Variants in ZNF469 observed in about 807,000 individuals in gnomAD.
The protein encoded by ZNF469 is zinc finger protein 469.
Under a neutral mutation model 1.0 loss-of-function variants are expected in ZNF469, and 1 was observed. The observed-to-expected ratio is 1.00, with a 90% CI of 0.35 to 4.73. The LOEUF (loss-of-function observed/expected upper bound fraction) is 4.73. Among genes scored for constraint, ZNF469 ranks in the 30% most tolerant of loss-of-function variants. The probability of loss-of-function intolerance (pLI) is 0.16; values close to 1 mark genes in which losing one functional copy is unlikely to be tolerated. For synonymous variants in ZNF469, 2,703 were observed against 2,363.4 expected, an observed-to-expected ratio of 1.14 and a Z score of -4.17; for missense variants, 6,100 against 5,356.3, an observed-to-expected ratio of 1.14 and a Z score of -4.33.
chr16:88,414,591 A>T (rs1905257579), intron 1 of ZNF469, among the ~76,000 whole-genome samples: 2 of 152,222 alleles, frequency 1.3e-5, no homozygotes, highest in Non-Finnish European at 2.9e-5. Context: ...GCCCCACGGC[A>T]GGAGGGTCCG....
chr16:88,186,566 C>CCGCAGGGA, the ZNF469 span, among the ~76,000 whole-genome samples: 1 of 152,188 alleles, frequency 6.6e-6, no homozygotes. Context: ...CAGAGGGGAC[C>CCGCAGGGA]CGCAGGGACG....
At chr16:88,228,806 C>A in the ZNF469 span, among the ~76,000 whole-genome samples, 4 of 152,148 alleles carry the variant, frequency 2.6e-5, no homozygotes, top group African/African-American at 9.7e-5. Context: ...GGAGGCCTGC[C>A]TGTGTCAGAT....
the ZNF469 span, among the ~76,000 whole-genome samples, chr16:88,282,872 C>T: frequency 6.6e-6 from 1 of 152,146 alleles, no homozygotes; most frequent in Non-Finnish European, 1.5e-5. Flanking sequence ...GATTAAGGTC[C>T]ACACAGGGAG....
chr16:88,321,004 G>A, the ZNF469 span, among the ~76,000 whole-genome samples: 77 of 152,388 alleles, frequency 5.1e-4, no homozygotes, highest in African/African-American at 1.8e-3. Flanking sequence ...CACCGTGGCT[G>A]CCATCCGAGG....
chr16:88,433,726 A>T lies in ZNF469; in HGVS notation c.6256A>T (p.Arg2086Trp). Residue 2086 changes from arginine to tryptophan, a missense_variant, in exon 3 of 3, where the codon AGG becomes TGG. By Grantham distance (101) the Arg-to-Trp change is moderately radical (BLOSUM62 -3). Coordinates refer to ENST00000565624, the MANE Select transcript of ZNF469 (RefSeq NM_001367624.2). Reference sequence around the variant, plus strand: ...TGGATCTGAGGGCCGGACTCCAGAGAGGGCGTCCAGCCCCGGCCTGAACAA... The same window carrying T: ...TGGATCTGAGGGCCGGACTCCAGAGTGGGCGTCCAGCCCCGGCCTGAACAA... ...RSGSEGRTPE[R>W]ASSPGLNKPL... is the part of the protein sequence containing the mutation. The T allele has an allele frequency of 6.5e-7, 1 of 1,548,798 alleles. No homozygotes were observed. Among genetic ancestry groups the T allele is most frequent in the Non-Finnish European group, 8.7e-7 (1 of 1,146,730 alleles).
At chr16:88,296,702 ACCCATGCTCTCACACATTCG>A in the ZNF469 span, among the ~76,000 whole-genome samples, 1 of 151,792 alleles carries the variant, frequency 6.6e-6, no homozygotes, top group African/African-American at 2.4e-5. Context: ...ACATGTGCAG[ACCCATGCTCTCACACATTCG>A]CCCATGCTCC....
At chr16:88,316,963 C>G in the ZNF469 span, among the ~76,000 whole-genome samples, 7 of 152,222 alleles carry the variant, frequency 4.6e-5, no homozygotes, top group Non-Finnish European at 8.8e-5. Flanking sequence ...CTCTCCAGCT[C>G]TAAACCCAGA....
chr16:88,232,337 C>A, the ZNF469 span, among the ~76,000 whole-genome samples: 2 of 152,288 alleles, frequency 1.3e-5, no homozygotes, highest in South Asian at 4.1e-4. Context: ...CCACCCAATA[C>A]GGCTGGTCAA....
At chr16:88,337,423 G>A in the ZNF469 span, among the ~76,000 whole-genome samples, 1 of 152,216 alleles carries the variant, frequency 6.6e-6, no homozygotes, top group Admixed American at 6.5e-5. Context: ...GGAACTGAAT[G>A]CATTAAACCT....
chr16:88,169,304 G>A, the ZNF469 span, among the ~76,000 whole-genome samples: 1 of 152,206 alleles, frequency 6.6e-6, no homozygotes, highest in African/African-American at 2.4e-5. This position sits in a 1 kb window ranked among gnomAD's most constrained non-coding sequence, Gnocchi z 6.1. Context: ...TTCCGCGAAT[G>A]TGTACAGTTG....
chr16:88,136,640 A>C, the ZNF469 span, among the ~76,000 whole-genome samples: 2 of 152,242 alleles, frequency 1.3e-5, no homozygotes, highest in Non-Finnish European at 1.5e-5. Context: ...TAATTACTCA[A>C]AGAGGAGGCC....
the ZNF469 span, among the ~76,000 whole-genome samples, chr16:88,314,172 G>C: frequency 3.6e-4 from 44 of 123,094 alleles, no homozygotes; most frequent in Admixed American, 1.2e-3. Flanking sequence ...GGCAGTGCTG[G>C]TGTGGACTGT....
chr16:88,227,733 C>T, the ZNF469 span, among the ~76,000 whole-genome samples: 1 of 152,192 alleles, frequency 6.6e-6, no homozygotes, highest in Non-Finnish European at 1.5e-5. Context: ...TGTTTCCCGT[C>T]ACCGCTGTAA....
At chr16:88,209,328 T>C in the ZNF469 span, among the ~76,000 whole-genome samples, 1 of 151,946 alleles carries the variant, frequency 6.6e-6, no homozygotes, top group Non-Finnish European at 1.5e-5. Flanking sequence ...TCTTGCTCTG[T>C]TGCCCAGGCT....
chr16:88,158,237 AG>A, the ZNF469 span, among the ~76,000 whole-genome samples: 1 of 147,282 alleles, frequency 6.8e-6, no homozygotes, highest in African/African-American at 2.5e-5. Flanking sequence ...CACAGCAGGG[AG>A]GCGGGAGATG....
chr16:88,331,524 C>CCACCA, the ZNF469 span, among the ~76,000 whole-genome samples: 1 of 148,722 alleles, frequency 6.7e-6, no homozygotes, highest in African/African-American at 2.5e-5. Flanking sequence ...ATCCTCATCA[C>CCACCA]TACCATCACT....
At chr16:88,205,364 A>G in the ZNF469 span, among the ~76,000 whole-genome samples, 2 of 152,106 alleles carry the variant, frequency 1.3e-5, no homozygotes, top group Non-Finnish European at 2.9e-5. This position sits in a 1 kb window ranked among gnomAD's most constrained non-coding sequence, Gnocchi z 4.2. Flanking sequence ...AGGGTACAGG[A>G]GCACTTTGCA....
At chr16:88,118,059 C>A in the ZNF469 span, among the ~76,000 whole-genome samples, 1 of 152,250 alleles carries the variant, frequency 6.6e-6, no homozygotes, top group East Asian at 1.9e-4. Flanking sequence ...TCCCCTGACT[C>A]AGCCTCCCCA....
At chr16:88,381,215 C>CAG (rs1555515069), upstream of ZNF469, among the ~76,000 whole-genome samples, 1 of 147,036 alleles carries the variant, frequency 6.8e-6, no homozygotes, top group African/African-American at 2.6e-5. Context: ...GACACACACA[C>CAG]AGACATGCAC....
Sources: allele counts gnomAD v4.1 joint callset (sites outside exome capture counted in the v4.1 genomes callset), GRCh38; gene constraint gnomAD v4.1.1; non-coding constraint Gnocchi (gnomAD v3.1); transcripts MANE v1.5; gene names NCBI Gene and HGNC (gene_info 2026-07-23, HGNC 2026-07-21).